ARSH: variants seen among roughly 807,000 people sequenced by gnomAD.
ARSH encodes the protein arylsulfatase family member H.
A neutral mutation model predicts 28.7 loss-of-function variants in ARSH; 32 were observed. The ratio of observed to expected loss-of-function variants is 1.11; its 90% CI spans 0.84 to 1.50. The LOEUF is 1.50. Ranked by LOEUF, ARSH falls within the 40% of genes most tolerant of loss-of-function variation. The probability of loss-of-function intolerance (pLI) is 0.00; values close to 1 mark genes in which losing one functional copy is unlikely to be tolerated. For missense variants in ARSH, 440 were observed against 452.4 expected, an observed-to-expected ratio of 0.97 and a Z score of 0.25; for synonymous variants, 176 against 177.3, an observed-to-expected ratio of 0.99 and a Z score of 0.06.
intron 1 of ARSH, among the ~76,000 whole-genome samples, chrX:3,008,502 T>TTTCTTTCTTTC (rs2089837034): frequency 3.0e-5 from 3 of 100,451 alleles, no homozygotes; most frequent in African/African-American, 1.1e-4. Flanking sequence ...TCTTTCTTTC[T>TTTCTTTCTTTC]TTCTTTCTTT....
chrX:3,033,609 A>G lies in ARSH; in HGVS notation c.*224A>G. On this transcript the variant is annotated 3_prime_UTR_variant, in exon 9 of 9. Coordinates refer to ENST00000381130, the MANE Select transcript of ARSH (RefSeq NM_001011719.2). Reference sequence around the variant, plus strand: ...TTGTTGTATAATTTTTTTCTAGTATATAATTGTGCCATTGCCCAAGGAAAA... The same window carrying G: ...TTGTTGTATAATTTTTTTCTAGTATGTAATTGTGCCATTGCCCAAGGAAAA... 1 of 292,835 alleles carries G rather than the reference A, an allele frequency of 3.4e-6. No individual in the cohort carries two copies. The highest frequency in any genetic ancestry group is 1.0e-4 in the South Asian group (1 of 9,693). 24.1% of individuals were successfully genotyped at this position (292,835 alleles called of 1,213,427 possible).
In ARSH at chrX:3,024,174, C is replaced by A. The variant is rs745920172; in HGVS notation, c.1036+19C>A. 1 of 1,141,469 alleles carries A rather than the reference C, an allele frequency of 8.8e-7. No homozygotes were observed. The highest frequency in any genetic ancestry group is 2.2e-5 in the South Asian group (1 of 46,135). 94.1% of individuals were successfully genotyped at this position (1,141,469 alleles called of 1,213,427 possible). A position where few individuals can be genotyped will look rare whatever the true frequency, so the allele number is the denominator to read the frequency against. On this transcript the variant is annotated intron_variant, in intron 6 of 8. Coordinates refer to ENST00000381130, the MANE Select transcript of ARSH (RefSeq NM_001011719.2). The stretch of plus-strand genomic sequence containing the variant: ...TACAAAGGTGATTGTGTGTAGAGAA[C>A]CAACGCCTGTCCATTTTAAATCAGT...
intron 5 of ARSH, among the ~76,000 whole-genome samples, chrX:3,021,264 A>G (rs1317030317): frequency 9.0e-6 from 1 of 111,526 alleles, no homozygotes; most frequent in East Asian, 2.8e-4. Context: ...CTGAGTGTTT[A>G]TCACTAAGAA....
At chrX:3,020,787 T>C (rs1427538789) in intron 5 of ARSH, among the ~76,000 whole-genome samples, 4 of 110,638 alleles carry the variant, frequency 3.6e-5, no homozygotes, top group Non-Finnish European at 5.7e-5. Flanking sequence ...TATTTCTTAA[T>C]TTAATCTTTG....
chrX:3,021,802 T>A (rs1446358130), intron 5 of ARSH, among the ~76,000 whole-genome samples: 1 of 105,519 alleles, frequency 9.5e-6, no homozygotes, highest in Non-Finnish European at 1.9e-5. Context: ...ACACTTGACC[T>A]CCTCGGCTCA....
Position 3,015,191 on chromosome X carries a change from C to A in ARSH, c.562C>A (p.Arg188Ser). Residue 188 changes from arginine to serine, a missense_variant, in exon 4 of 9, where the codon CGC becomes AGC. Transcript: ENST00000381130. The part of the protein sequence containing the change: ...PFLLLIPKFA[R>S]WFSVPWKVIF... The stretch of plus-strand genomic sequence containing the variant: ...TCTGCTTCTCATTCCCAAGTTCGCC[C>A]GCTGGTTCTCAGTGCCATGGAAGGT... 3.3e-6 allele frequency: 4 copies of A among 1,210,051 alleles called. No individual in the cohort carries two copies. Among genetic ancestry groups the A allele is most frequent in the Non-Finnish European group, 4.5e-6 (4 of 894,668 alleles).
intron 6 of ARSH, among the ~76,000 whole-genome samples, chrX:3,024,545 C>T (rs916816264): frequency 4.5e-5 from 5 of 110,988 alleles, no homozygotes; most frequent in Non-Finnish European, 9.4e-5. Context: ...CAGCAACAAC[C>T]AGAAATGTCT....
At position 3,014,138 on chromosome X, in the gene ARSH, G is replaced by A. The variant is rs139194016; in HGVS notation, c.341-832G>A. ...TAAAATTAGCTGGGCATGGTGGCAC[G>A]CACCTATAGTCCCAGCTACTCAGGA... On this transcript the variant is annotated intron_variant, in intron 3 of 8. Transcript: ENST00000381130. 2.0e-3 allele frequency among the ~76,000 whole-genome samples: 217 copies of A among 111,104 alleles called. 4 individuals are homozygous for A. The East Asian group carries it at 0.041, about 21-fold the overall frequency.
At chrX:3,007,023 C>G (rs1198809177) in intron 1 of ARSH, among the ~76,000 whole-genome samples, 1 of 109,880 alleles carries the variant, frequency 9.1e-6, no homozygotes. Context: ...GGGAGCATTG[C>G]TTGAGCCCAG....
At chrX:3,023,415 T>A (rs1231696688) in intron 5 of ARSH, among the ~76,000 whole-genome samples, 2 of 105,880 alleles carry the variant, frequency 1.9e-5, no homozygotes, top group Non-Finnish European at 3.8e-5. Context: ...TTTTTACATA[T>A]TGCATTGATA....
Position 3,013,221 on chromosome X carries a change from T to TGTCA in ARSH, c.340+50_340+53dup, listed in dbSNP as rs756638493. 16 of 1,168,531 alleles carry TGTCA rather than the reference T, an allele frequency of 1.4e-5. No homozygotes were observed. The African/African-American group carries it at 2.7e-4, about 20-fold the overall frequency. On this transcript the variant is annotated intron_variant, in intron 3 of 8. Transcript: ENST00000381130. ...TGGAAACGTGATCCTGCAGCCTCTC[T>TGTCA]GTCATCGTGTCTAAGGTGTTTCCGG...
intron 8 of ARSH, among the ~76,000 whole-genome samples, chrX:3,031,411 A>G (rs1321758118): frequency 2.7e-5 from 3 of 111,826 alleles, no homozygotes; most frequent in Admixed American, 9.6e-5. Flanking sequence ...CATTCGTGCT[A>G]TGGAAGTCAT....
rs3032484 is a variant in ARSH at position 3,021,881 on chromosome X, T to TTGTGTGTGTGTG, written c.902-2120_902-2109dup. Among the ~76,000 whole-genome samples, 453 of 94,257 alleles carry TTGTGTGTGTGTG rather than the reference T, an allele frequency of 4.8e-3. 2 individuals carry two copies. Among genetic ancestry groups the TTGTGTGTGTGTG allele is most frequent in the African/African-American group, 0.017 (432 of 25,471 alleles). The allele number at this position is 94,257 out of a possible 115,157, so 81.9% of individuals were successfully genotyped here. A position where few individuals can be genotyped will look rare whatever the true frequency, so the allele number is the denominator to read the frequency against. ...ATGTGCACCACCATGTCTGGCCAATTTGTGTGTGTGTGTGTGTGTGTGTGT... is the reference window on the plus strand; with the variant it reads ...ATGTGCACCACCATGTCTGGCCAATTTGTGTGTGTGTGTGTGTGTGTGTGTGTGTGTGTGTGT... On this transcript the variant is annotated intron_variant, in intron 5 of 8. Coordinates refer to ENST00000381130, the MANE Select transcript of ARSH (RefSeq NM_001011719.2).
chrX:3,012,621 TACAC>T (rs60462154), intron 2 of ARSH, among the ~76,000 whole-genome samples: 4 of 65,171 alleles, frequency 6.1e-5, no homozygotes, highest in Non-Finnish European at 1.1e-4. Context: ...TATGTGTATA[TACAC>T]ACACACACAT....
chrX:3,023,770 ATATAT>A (rs200045370), intron 5 of ARSH, among the ~76,000 whole-genome samples: 8,463 of 107,448 alleles, frequency 0.079, 278 homozygotes, highest in Non-Finnish European at 0.097. Flanking sequence ...TAAATATAGC[ATATAT>A]TATACATTAT....
chrX:3,024,210 G>T, intron 6 of ARSH, 55 bp downstream of exon 6: 1 of 1,055,550 alleles, frequency 9.5e-7, no homozygotes, highest in African/African-American at 1.9e-5. Flanking sequence ...AGTCTCTATT[G>T]GCTTTGTGTT....
chrX:3,020,754 TGCTGAACTAAAGCTAA>T (rs2089881598), intron 5 of ARSH, among the ~76,000 whole-genome samples: 1 of 111,494 alleles, frequency 9.0e-6, no homozygotes, highest in South Asian at 3.7e-4. Context: ...TTTTGAAGCT[TGCTGAACTAAAGCTAA>T]GCTCTGTATT....
In ARSH at chrX:3,009,983, T is replaced by C. The variant is rs189667296; in HGVS notation, c.93-47T>C. 1.2e-3 allele frequency: 1,389 copies of C among 1,192,042 alleles called. 22 individuals carry two copies. In the South Asian group the frequency reaches 0.023, roughly 20 times the overall value. On this transcript the variant is annotated intron_variant, in intron 1 of 8. Coordinates refer to ENST00000381130, the MANE Select transcript of ARSH (RefSeq NM_001011719.2). ...TAGCTTTGATCCTTGATCATTGTAT[T>C]GAGAATTTTTAGAAACTCACCTGCT...
intron 8 of ARSH, among the ~76,000 whole-genome samples, chrX:3,030,126 C>T (rs1409377283): frequency 9.0e-6 from 1 of 110,515 alleles, no homozygotes; most frequent in African/African-American, 3.3e-5. Context: ...ATATGCCCTA[C>T]CACACAGGTT....
Sources: allele counts gnomAD v4.1 joint callset (sites outside exome capture counted in the v4.1 genomes callset), GRCh38; gene constraint gnomAD v4.1.1; transcripts MANE v1.5; gene names NCBI Gene and HGNC (gene_info 2026-07-23, HGNC 2026-07-21).